Variants in TGM6 observed in about 807,000 individuals in gnomAD.
TGM6 encodes the protein transglutaminase 6.
In TGM6, 74 loss-of-function variants were observed where a neutral mutation model predicts 77.5. The ratio of observed to expected loss-of-function variants is 0.96; its 90% CI spans 0.79 to 1.16. The LOEUF (loss-of-function observed/expected upper bound fraction) is 1.16, where lower values mean the gene tolerates loss of function less well. TGM6 is among the 50% of genes most tolerant of loss of function. The pLI is 0.00. For missense variants in TGM6, 968 were observed against 940.2 expected (o/e 1.03, Z -0.39); for synonymous variants, 383 against 378.9 (o/e 1.01, Z -0.12).
intron 4 of TGM6, among the ~76,000 whole-genome samples, chr20:2,396,944 C>A (rs1239763864): frequency 6.6e-6 from 1 of 152,168 alleles, no homozygotes; most frequent in East Asian, 1.9e-4. Context: ...CTGGACCCCA[C>A]CCCCAGAGCT....
chr20:2,408,993 A>G (rs1226084222), intron 9 of TGM6, among the ~76,000 whole-genome samples: 1 of 152,230 alleles, frequency 6.6e-6, no homozygotes, highest in Non-Finnish European at 1.5e-5. Flanking sequence ...ACAGACGCCT[A>G]TAGAAGACTC....
At chr20:2,403,023 T>C (rs747613334) in intron 7 of TGM6, among the ~76,000 whole-genome samples, 2 of 152,230 alleles carry the variant, frequency 1.3e-5, no homozygotes, top group African/African-American at 4.8e-5. Flanking sequence ...GGTTGTTCTC[T>C]AGCTTAAGCC....
Position 2,394,294 on chromosome 20 carries a change from A to AAAAC in TGM6, c.8-136_8-133dup, listed in dbSNP as rs570317209. On this transcript the variant is annotated intron_variant, in intron 1 of 12. Coordinates refer to ENST00000202625, the MANE Select transcript of TGM6 (RefSeq NM_198994.3). ...GGGTGATAGAGTGAGACCCTGTCTC[A>AAAAC]AAACAAACAAACAAACAAACAAACA... is the stretch of plus-strand genomic sequence containing the variant. Among the ~76,000 whole-genome samples the AAAAC allele has an allele frequency of 8.5e-3, 1,289 of 152,214 alleles. 15 individuals carry two copies. Among genetic ancestry groups the AAAAC allele is most frequent in the African/African-American group, 0.029 (1,200 of 41,502 alleles).
chr20:2,423,487 T>C (rs944244750), intron 10 of TGM6, among the ~76,000 whole-genome samples: 7 of 152,188 alleles, frequency 4.6e-5, no homozygotes, highest in Non-Finnish European at 8.8e-5. Flanking sequence ...TCTTCATCTG[T>C]TCAAGTTTTA....
intron 5 of TGM6, 60 bp from the exon 6 acceptor site, chr20:2,399,501 A>T (rs2084690377): frequency 5.0e-6 from 8 of 1,611,048 alleles, no homozygotes; most frequent in Non-Finnish European, 6.8e-6. Flanking sequence ...TTTGACCACG[A>T]TGCGGTTCTT....
intron 10 of TGM6, among the ~76,000 whole-genome samples, chr20:2,425,273 A>G (rs376942227): frequency 6.6e-6 from 1 of 152,062 alleles, no homozygotes; most frequent in East Asian, 1.9e-4. Flanking sequence ...CTTGAGCCCA[A>G]GAGCTGGAAG....
At position 2,411,404 on chromosome 20, in the gene TGM6, A is replaced by T. The variant is rs148950696; in HGVS notation, c.1337-5828A>T. Among the ~76,000 whole-genome samples, 541 of 152,278 alleles carry T rather than the reference A, an allele frequency of 3.6e-3. 5 individuals carry two copies. Among genetic ancestry groups the T allele is most frequent in the African/African-American group, 0.012 (517 of 41,568 alleles). Reference sequence around the variant, plus strand: ...GAAAAAAGGACAAAATAACATGATCATCTCAATAGATGCAGAAAAAGCATT... The same window carrying T: ...GAAAAAAGGACAAAATAACATGATCTTCTCAATAGATGCAGAAAAAGCATT... On this transcript the variant is annotated intron_variant, in intron 9 of 12. Coordinates refer to ENST00000202625, the MANE Select transcript of TGM6 (RefSeq NM_198994.3).
In TGM6 at chr20:2,432,619, C is replaced by T. The variant is rs781184549; in HGVS notation, c.2097C>T (p.Ile699=). Residue 699 remains isoleucine, a synonymous_variant, in exon 13 of 13, where the codon ATC becomes ATT. Coordinates refer to ENST00000202625, the MANE Select transcript of TGM6 (RefSeq NM_198994.3). ...PHFPDIKGFV[I]VHVATAK ...TCCCGGACATCAAGGGCTTTGTGAT[C>T]GTCCATGTGGCCACTGCCAAGTGAT... is the stretch of plus-strand genomic sequence containing the variant. 31 of 1,613,980 alleles carry T rather than the reference C, an allele frequency of 1.9e-5. No homozygotes were observed. Among genetic ancestry groups the T allele is most frequent in the African/African-American group, 8.0e-5 (6 of 74,898 alleles).
chr20:2,420,099 G>T (rs1267307436), intron 10 of TGM6, among the ~76,000 whole-genome samples: 1 of 152,116 alleles, frequency 6.6e-6, no homozygotes, highest in African/African-American at 2.4e-5. Context: ...AAAAAAATTA[G>T]CCGGGCGTGG....
At chr20:2,401,681 T>C (rs1179907016) in intron 7 of TGM6, among the ~76,000 whole-genome samples, 2 of 152,186 alleles carry the variant, frequency 1.3e-5, no homozygotes, top group Non-Finnish European at 2.9e-5. Context: ...ATTTCGCAGA[T>C]GAGGAAACTG....
rs140719871 is a variant in TGM6, at chr20:2,417,418, G to A, written c.1523G>A (p.Gly508Asp). ...AAGGTGCTAGAGCCTCCCATGCTGGGCCACGACCTGAGACTGGCCCTGTGC... is the reference window on the plus strand; with the variant it reads ...AAGGTGCTAGAGCCTCCCATGCTGGACCACGACCTGAGACTGGCCCTGTGC... ...KFKVLEPPML[G>D]HDLRLALCLA... Residue 508 changes from glycine to aspartate, a missense_variant, in exon 10 of 13, where the codon GGC (glycine) becomes GAC (aspartate). By Grantham distance (94) the Gly-to-Asp change is moderately conservative. Transcript: ENST00000202625. The A allele has an allele frequency of 1.4e-3, 2,280 of 1,613,062 alleles. 10 individuals are homozygous for A. Among genetic ancestry groups the A allele is most frequent in the Non-Finnish European group, 1.7e-3 (2,041 of 1,180,020 alleles).
In TGM6 at chr20:2,432,355, ATGT is replaced by A. The variant is rs138020126; in HGVS notation, c.1968-132_1968-130del. 1.7e-3 allele frequency: 1,997 copies of A among 1,162,316 alleles called. 22 individuals are homozygous for A. In the African/African-American group the frequency reaches 0.027, roughly 16 times the overall value. 72.0% of individuals were successfully genotyped at this position (1,162,316 alleles called of 1,614,324 possible). ...GAGCCACCGCACCTGGCCTGCAAAC[ATGT>A]TGATAAGGCTTGAATGTCAAGCCAC... On this transcript the variant is annotated intron_variant, in intron 12 of 12. Coordinates refer to ENST00000202625, the MANE Select transcript of TGM6 (RefSeq NM_198994.3).
rs925109140 is a variant in TGM6 at position 2,400,808 on chromosome 20, G to A, written c.989+364G>A. 5.9e-5 allele frequency among the ~76,000 whole-genome samples: 9 copies of A among 152,096 alleles called. No individual in the cohort carries two copies. In the East Asian group the frequency reaches 1.5e-3, roughly 26 times the overall value. On this transcript the variant is annotated intron_variant, in intron 7 of 12. Coordinates refer to ENST00000202625, the MANE Select transcript of TGM6 (RefSeq NM_198994.3). ...GCTTCCGTATCAGCTGCGGTTCTCC[G>A]TGTTGTGTGTCTCAGGTGGGAAACA... is the stretch of plus-strand genomic sequence containing the variant.
At chr20:2,430,670 A>G in intron 11 of TGM6, 70 bp downstream of exon 11, 1 of 1,609,786 alleles carries the variant, frequency 6.2e-7, no homozygotes, top group Non-Finnish European at 8.5e-7. Context: ...GGAGGGCGTC[A>G]GAAGCTGGGG....
chr20:2,413,338 G>A (rs1162239657), intron 9 of TGM6, among the ~76,000 whole-genome samples: 1 of 152,180 alleles, frequency 6.6e-6, no homozygotes, highest in African/African-American at 2.4e-5. Context: ...GAGCCTGGGA[G>A]GTTGAGGTTG....
intron 1 of TGM6, among the ~76,000 whole-genome samples, chr20:2,393,049 G>A (rs1384537033): frequency 6.6e-6 from 1 of 152,186 alleles, no homozygotes; most frequent in Admixed American, 6.5e-5. Context: ...TATATACTCA[G>A]CACCAGACAC....
intron 12 of TGM6, among the ~76,000 whole-genome samples, chr20:2,432,047 G>T (rs866814482): frequency 1.3e-5 from 2 of 152,100 alleles, no homozygotes; most frequent in African/African-American, 2.4e-5. Context: ...TTTGGTTGTT[G>T]TTTTTGTTTG....
At chr20:2,404,361 T>C (rs2084735531) in intron 9 of TGM6, among the ~76,000 whole-genome samples, 1 of 152,220 alleles carries the variant, frequency 6.6e-6, no homozygotes, top group South Asian at 2.1e-4. Flanking sequence ...TCCAACTATA[T>C]ACTTTAAAAA....
chr20:2,394,174 G>T (rs775211799), intron 1 of TGM6, among the ~76,000 whole-genome samples: 6 of 152,062 alleles, frequency 3.9e-5, no homozygotes, highest in Non-Finnish European at 8.8e-5. Flanking sequence ...GCACCTGCTA[G>T]TTCCAGCTAC....
Sources: gnomAD v4.1 joint callset for allele counts (sites outside exome capture counted in the v4.1 genomes callset) on GRCh38, gnomAD v4.1.1 for gene constraint, MANE v1.5 for transcripts, NCBI Gene and HGNC (gene_info 2026-07-23, HGNC 2026-07-21) for gene names.